Variants in GPC3 observed in about 807,000 individuals in gnomAD.
GPC3 encodes the protein glypican-3.
GPC3 carries 3 observed loss-of-function variants against 34.4 expected under a neutral mutation model. The ratio of observed to expected loss-of-function variants is 0.09; its 90% CI spans 0.04 to 0.23. The LOEUF (loss-of-function observed/expected upper bound fraction) is 0.23, where lower values mean the gene tolerates loss of function less well. Ranked by LOEUF, GPC3 falls within the 10% of genes least tolerant of loss-of-function variation. The pLI is 1.00. For synonymous variants in GPC3, 177 were observed against 174.0 expected, an observed-to-expected ratio of 1.02 and a Z score of -0.13; for missense variants, 351 against 445.6, an observed-to-expected ratio of 0.79 and a Z score of 1.91.
At chrX:133,863,153 CTA>C (rs2075946246) in intron 2 of GPC3, among the ~76,000 whole-genome samples, 1 of 112,468 alleles carries the variant, frequency 8.9e-6, no homozygotes, top group African/African-American at 3.2e-5. Flanking sequence ...AAAATGACAG[CTA>C]GTCAATTATT....
intron 3 of GPC3, among the ~76,000 whole-genome samples, chrX:133,745,383 T>C (rs1019367228): frequency 1.6e-4 from 18 of 111,973 alleles, no homozygotes; most frequent in Admixed American, 5.7e-4. Flanking sequence ...AGAAGTTCAA[T>C]AAAAGAGAAA....
At chrX:133,918,726 G>GCAC (rs2076235222) in intron 2 of GPC3, among the ~76,000 whole-genome samples, 1 of 111,616 alleles carries the variant, frequency 9.0e-6, no homozygotes, top group Non-Finnish European at 1.9e-5. Context: ...AGAGTGGATG[G>GCAC]CACCTTGACA....
chrX:133,784,896 G>A (rs1239403348), intron 2 of GPC3, among the ~76,000 whole-genome samples: 2 of 111,729 alleles, frequency 1.8e-5, no homozygotes, highest in Non-Finnish European at 3.8e-5. Flanking sequence ...GCCGGCCCTA[G>A]GCAACCACTA....
intron 2 of GPC3, among the ~76,000 whole-genome samples, chrX:133,879,871 C>G (rs1280466354): frequency 3.6e-5 from 4 of 111,466 alleles, no homozygotes; most frequent in Non-Finnish European, 1.9e-5. Flanking sequence ...CTATTGCTAC[C>G]TTGCTTCACT....
intron 1 of GPC3, among the ~76,000 whole-genome samples, chrX:133,970,532 GA>G (rs34232419): frequency 1.5e-3 from 159 of 102,991 alleles, no homozygotes; most frequent in East Asian, 7.1e-3. Flanking sequence ...TAACCAGTTA[GA>G]AAAAAAAAAA....
At chrX:133,836,453 G>A (rs1310218789) in intron 2 of GPC3, among the ~76,000 whole-genome samples, 2 of 112,178 alleles carry the variant, frequency 1.8e-5, no homozygotes, top group Non-Finnish European at 3.8e-5. Flanking sequence ...CAGGGACTGG[G>A]AGTTGGCCTG....
chrX:133,958,465 G>C (rs1335871466), intron 1 of GPC3, among the ~76,000 whole-genome samples: 1 of 105,643 alleles, frequency 9.5e-6, no homozygotes. Context: ...AGGATCACTT[G>C]GGCTCAGAGG....
intron 7 of GPC3, among the ~76,000 whole-genome samples, chrX:133,586,266 T>C (rs757343544): frequency 1.8e-5 from 2 of 111,723 alleles, no homozygotes; most frequent in Admixed American, 1.9e-4. Flanking sequence ...ACCTACTCAA[T>C]TGGCAGGTAA....
chrX:133,811,492 C>A (rs778446547), intron 2 of GPC3, among the ~76,000 whole-genome samples: 2 of 110,477 alleles, frequency 1.8e-5, no homozygotes, highest in African/African-American at 6.6e-5. Context: ...TGCTTGTTTT[C>A]TGTTTGTTTC....
At chrX:133,666,124 C>T (rs1208355437) in intron 5 of GPC3, among the ~76,000 whole-genome samples, 1 of 112,015 alleles carries the variant, frequency 8.9e-6, no homozygotes, top group Non-Finnish European at 1.9e-5. Context: ...ATTAATCCCA[C>T]AGCTGATCCT....
chrX:133,611,331 G>T (rs991728498), intron 6 of GPC3, among the ~76,000 whole-genome samples: 2 of 110,745 alleles, frequency 1.8e-5, no homozygotes, highest in African/African-American at 6.6e-5. Flanking sequence ...AGTCCACAAG[G>T]AGTTCCTTTC....
chrX:133,786,130 C>T (rs1371064661), intron 2 of GPC3, among the ~76,000 whole-genome samples: 5 of 112,506 alleles, frequency 4.4e-5, no homozygotes, highest in Admixed American at 9.4e-5. Context: ...CAGTGGCTCA[C>T]GCCTGTAATC....
intron 6 of GPC3, among the ~76,000 whole-genome samples, chrX:133,655,222 AAC>A (rs1348575523): frequency 1.8e-5 from 2 of 111,538 alleles, no homozygotes; most frequent in Non-Finnish European, 3.8e-5. Context: ...AGATATTAAA[AAC>A]ACATGCTCCC....
At chrX:133,970,123 A>G (rs1222544004) in intron 1 of GPC3, among the ~76,000 whole-genome samples, 1 of 111,750 alleles carries the variant, frequency 8.9e-6, no homozygotes, top group African/African-American at 3.3e-5. Context: ...TGTACTCCGT[A>G]TATCAGCCTT....
chrX:133,895,656 A>C (rs753686831), intron 2 of GPC3, among the ~76,000 whole-genome samples: 1 of 111,616 alleles, frequency 9.0e-6, no homozygotes, highest in South Asian at 3.9e-4. Context: ...TATCAAGTAT[A>C]AGCAGAATTA....
chrX:133,582,881 C>T (rs2069746469), intron 7 of GPC3, among the ~76,000 whole-genome samples: 1 of 110,675 alleles, frequency 9.0e-6, no homozygotes, highest in African/African-American at 3.3e-5. Flanking sequence ...TGCTTGTAGC[C>T]GGGGGGAGGG....
At chrX:133,689,230 T>A (rs962050312) in intron 5 of GPC3, among the ~76,000 whole-genome samples, 18 of 111,543 alleles carry the variant, frequency 1.6e-4, no homozygotes, top group Admixed American at 1.1e-3. Flanking sequence ...GAAATATAAA[T>A]AGGAGTTTGG....
At chrX:133,842,453 C>G (rs181842230) in intron 2 of GPC3, among the ~76,000 whole-genome samples, 1 of 107,303 alleles carries the variant, frequency 9.3e-6, no homozygotes, top group Admixed American at 1.0e-4. Context: ...ATTACATACC[C>G]GTTAGTTCTG....
intron 3 of GPC3, among the ~76,000 whole-genome samples, chrX:133,750,575 G>A (rs1018298541): frequency 8.9e-6 from 1 of 112,132 alleles, no homozygotes; most frequent in Non-Finnish European, 1.9e-5. Context: ...TCAGTTACAC[G>A]TCTGTCTACC....
Sources: gnomAD v4.1 joint callset for allele counts (sites outside exome capture counted in the v4.1 genomes callset) on GRCh38, gnomAD v4.1.1 for gene constraint, MANE v1.5 for transcripts, NCBI Gene and HGNC (gene_info 2026-07-23, HGNC 2026-07-21) for gene names.